SSBP2: variants seen among roughly 807,000 people sequenced by gnomAD.
SSBP2 encodes the protein single-stranded DNA-binding protein 2.
Under a neutral mutation model 61.8 loss-of-function variants are expected in SSBP2, and 17 were observed. The observed-to-expected ratio is 0.28, with a 90% CI of 0.19 to 0.41. The LOEUF is 0.41. Ranked by LOEUF, SSBP2 falls within the 10% of genes least tolerant of loss-of-function variation. The pLI is 1.00. For missense variants in SSBP2, 310 were observed against 458.7 expected (o/e 0.68, Z 2.96); for synonymous variants, 139 against 141.3 (o/e 0.98, Z 0.12).
At chr5:81,735,536 C>T (rs1047089100) in intron 1 of SSBP2, among the ~76,000 whole-genome samples, 1 of 152,150 alleles carries the variant, frequency 6.6e-6, no homozygotes, top group Non-Finnish European at 1.5e-5. Flanking sequence ...GCTATGTAAA[C>T]AGTTCTTATA....
chr5:81,504,115 AT>A (rs2154074203), intron 5 of SSBP2, among the ~76,000 whole-genome samples: 1 of 152,314 alleles, frequency 6.6e-6, no homozygotes, highest in East Asian at 1.9e-4. Flanking sequence ...AAACCAGCAC[AT>A]GTACCCCTGA....
intron 4 of SSBP2, among the ~76,000 whole-genome samples, chr5:81,526,663 C>A (rs1204705651): frequency 6.6e-6 from 1 of 151,842 alleles, no homozygotes; most frequent in East Asian, 1.9e-4. Context: ...TTAAATCAAC[C>A]TTTTGAATTC....
intron 1 of SSBP2, among the ~76,000 whole-genome samples, chr5:81,695,863 AAT>A (rs1410777346): frequency 6.6e-6 from 1 of 152,152 alleles, no homozygotes; most frequent in Non-Finnish European, 1.5e-5. Context: ...TCTGCTTAAT[AAT>A]ATAATTTTTA....
At chr5:81,747,096 C>T (rs1208856852) in intron 1 of SSBP2, among the ~76,000 whole-genome samples, 2 of 150,730 alleles carry the variant, frequency 1.3e-5, no homozygotes, top group Non-Finnish European at 3.0e-5. Flanking sequence ...AATTTCTGTG[C>T]CTTCTCCCAC....
In SSBP2 at chr5:81,419,662, G is replaced by A. The variant is rs188928492; in HGVS notation, c.*842C>T. On this transcript the variant is annotated 3_prime_UTR_variant, in exon 17 of 17. Transcript: ENST00000320672. ...GTCACTTTATTGCTATGGTCTAAAT[G>A]ATTTGGGCTATTTAATGATTTCTGT... 2.0e-5 allele frequency: 3 copies of A among 152,308 alleles called. No homozygotes were observed. Among genetic ancestry groups the A allele is most frequent in the Admixed American group, 2.0e-4 (3 of 15,306 alleles). The allele number at this position is 152,308 out of a possible 1,614,324, so 9.4% of individuals were successfully genotyped here. A position where few individuals can be genotyped will look rare whatever the true frequency, so the allele number is the denominator to read the frequency against.
chr5:81,448,836 A>C lies in SSBP2; in HGVS notation c.688-11T>G. ...TGAGGAGTATGGTATCTGGAACACGAATAGGACAAAAAAATTTTTGATTCA... is the reference window on the plus strand; with the variant it reads ...TGAGGAGTATGGTATCTGGAACACGCATAGGACAAAAAAATTTTTGATTCA... On this transcript the variant is annotated splice_polypyrimidine_tract_variant and intron_variant, in intron 10 of 16. Transcript: ENST00000320672. The C allele has an allele frequency of 1.2e-6, 2 of 1,611,092 alleles. No homozygotes were observed. The highest frequency in any genetic ancestry group is 1.7e-6 in the Non-Finnish European group (2 of 1,178,874).
chr5:81,737,170 A>G (rs1756677171), intron 1 of SSBP2, among the ~76,000 whole-genome samples: 2 of 151,946 alleles, frequency 1.3e-5, no homozygotes, highest in Admixed American at 1.3e-4. Context: ...CATTATTGTC[A>G]TCCTTTAATG....
intron 15 of SSBP2, 83 bp downstream of exon 15, chr5:81,437,347 C>T (rs1373191920): frequency 7.5e-6 from 10 of 1,340,430 alleles, no homozygotes; most frequent in East Asian, 2.4e-5. Context: ...GAACAAAATT[C>T]GTAAATTTAC....
chr5:81,463,608 GAGAATTGCT>G (rs1424061970), intron 9 of SSBP2, among the ~76,000 whole-genome samples: 1 of 152,118 alleles, frequency 6.6e-6, no homozygotes, highest in Non-Finnish European at 1.5e-5. Flanking sequence ...GCTGAGGCAG[GAGAATTGCT>G]TGAACCGGAG....
intron 5 of SSBP2, among the ~76,000 whole-genome samples, chr5:81,497,777 T>C (rs1370991646): frequency 2.0e-5 from 3 of 152,146 alleles, no homozygotes; most frequent in Non-Finnish European, 4.4e-5. Context: ...TGCTTTCAGG[T>C]TTCTCTTACT....
At chr5:81,536,269 C>A (rs1770793321) in intron 4 of SSBP2, among the ~76,000 whole-genome samples, 1 of 152,126 alleles carries the variant, frequency 6.6e-6, no homozygotes, top group African/African-American at 2.4e-5. Context: ...AACTCTCCTT[C>A]AAAATGCAAA....
At chr5:81,432,483 A>AT in intron 15 of SSBP2, among the ~76,000 whole-genome samples, 1 of 152,282 alleles carries the variant, frequency 6.6e-6, no homozygotes, top group East Asian at 1.9e-4. Context: ...ACGGTGGCTC[A>AT]TGCCTGTAAT....
chr5:81,634,788 A>G (rs1173726738), intron 3 of SSBP2, among the ~76,000 whole-genome samples: 2 of 152,212 alleles, frequency 1.3e-5, no homozygotes, highest in Non-Finnish European at 2.9e-5. Context: ...TGGTTGATCC[A>G]AAACATCCCC....
intron 1 of SSBP2, among the ~76,000 whole-genome samples, chr5:81,740,782 G>A (rs1391971250): frequency 6.6e-6 from 1 of 152,186 alleles, no homozygotes; most frequent in Non-Finnish European, 1.5e-5. Context: ...CCTCTCTGGT[G>A]AGCACCTACA....
intron 6 of SSBP2, among the ~76,000 whole-genome samples, chr5:81,475,006 T>C (rs1482153370): frequency 6.6e-6 from 1 of 152,206 alleles, no homozygotes; most frequent in Middle Eastern, 3.2e-3. Flanking sequence ...AATTGTTTTG[T>C]AGTCACAGTT....
At position 81,416,461 on chromosome 5, in the gene SSBP2, G is replaced by A. The variant is rs1431755393; in HGVS notation, c.*4043C>T. On this transcript the variant is annotated 3_prime_UTR_variant, in exon 17 of 17. Transcript: ENST00000320672. ...GTTCAGTTGGTATTTTATTTCTCCT[G>A]GAAGATGCAGGGATTGGGAGGGAGG... The A allele has an allele frequency of 6.6e-6, 1 of 152,324 alleles. No homozygotes were observed. The highest frequency in any genetic ancestry group is 1.5e-5 in the Non-Finnish European group (1 of 68,156). 9.4% of individuals were successfully genotyped at this position (152,324 alleles called of 1,614,324 possible). A position where few individuals can be genotyped will look rare whatever the true frequency, so the allele number is the denominator to read the frequency against.
At chr5:81,631,795 T>C (rs1005538866) in intron 3 of SSBP2, among the ~76,000 whole-genome samples, 1 of 152,294 alleles carries the variant, frequency 6.6e-6, no homozygotes, top group Admixed American at 6.5e-5. Flanking sequence ...AAAGAAAAGC[T>C]ATCAGAATAA....
At chr5:81,655,987 T>G (rs1174702727) in intron 1 of SSBP2, among the ~76,000 whole-genome samples, 4 of 152,160 alleles carry the variant, frequency 2.6e-5, no homozygotes, top group Non-Finnish European at 5.9e-5. Flanking sequence ...TTACTTTGCA[T>G]GATTCTAACA....
intron 4 of SSBP2, among the ~76,000 whole-genome samples, chr5:81,520,376 G>A (rs1357738863): frequency 6.6e-6 from 1 of 151,988 alleles, no homozygotes; most frequent in East Asian, 1.9e-4. Flanking sequence ...TGACATTGGT[G>A]TTCACAATTT....
Sources: gnomAD v4.1 joint callset for allele counts (sites outside exome capture counted in the v4.1 genomes callset) on GRCh38, gnomAD v4.1.1 for gene constraint, MANE v1.5 for transcripts, NCBI Gene and HGNC (gene_info 2026-07-23, HGNC 2026-07-21) for gene names.